The following SCG3 variants were observed in gnomAD, a reference collection of about 807,000 sequenced individuals.
SCG3 encodes the protein secretogranin III, also known as secretogranin-3.
In SCG3, 38 loss-of-function variants were observed where a neutral mutation model predicts 56.2. The observed-to-expected ratio is 0.68, with a 90% CI of 0.52 to 0.89. SCG3 has a LOEUF of 0.89. Among genes scored for constraint, SCG3 ranks in the 40% least tolerant of loss-of-function variants. The probability of loss-of-function intolerance (pLI) is 0.00; values close to 1 mark genes in which losing one functional copy is unlikely to be tolerated. For missense variants in SCG3, 524 were observed against 540.7 expected (o/e 0.97, Z 0.31); for synonymous variants, 176 against 184.2 (o/e 0.96, Z 0.36).
Position 51,716,745 on chromosome 15 carries a change from T to C in SCG3, c.1289-2663T>C, listed in dbSNP as rs28654101. Reference sequence around the variant, plus strand: ...CAATTCTGCAGCCGACACTAGCTGGTTGTCCGCTGATTCAATTCAATTCCA... The same window carrying C: ...CAATTCTGCAGCCGACACTAGCTGGCTGTCCGCTGATTCAATTCAATTCCA... On this transcript the variant is annotated intron_variant, in intron 11 of 11. Transcript: ENST00000220478. Among the ~76,000 whole-genome samples, 49 of 152,264 alleles carry C rather than the reference T, an allele frequency of 3.2e-4. No homozygotes were observed. The South Asian group carries it at 4.8e-3, about 15-fold the overall frequency.
chr15:51,713,987 A>T (rs1218222100), intron 11 of SCG3, among the ~76,000 whole-genome samples: 2 of 152,216 alleles, frequency 1.3e-5, no homozygotes, highest in South Asian at 2.1e-4. Flanking sequence ...ATGGATCTTC[A>T]TACTAGGACA....
intron 10 of SCG3, among the ~76,000 whole-genome samples, chr15:51,705,522 CTT>C (rs766515836): frequency 2.1e-5 from 3 of 142,842 alleles, no homozygotes; most frequent in African/African-American, 2.6e-5. Flanking sequence ...TAGTGTTATT[CTT>C]TTTTTTTTTT....
chr15:51,681,948 C>A (rs2055197512), intron 1 of SCG3, 111 bp downstream of exon 1: 2 of 777,930 alleles, frequency 2.6e-6, no homozygotes, highest in African/African-American at 1.7e-5. Flanking sequence ...CTGATCAAAT[C>A]ATATCCATGA....
At position 51,699,180 on chromosome 15, in the gene SCG3, G is replaced by A; in HGVS notation, c.986-139G>A. 4.6e-6 allele frequency: 3 copies of A among 655,120 alleles called. No homozygotes were observed. The South Asian group carries it at 5.3e-5, about 12-fold the overall frequency. 40.6% of individuals were successfully genotyped at this position (655,120 alleles called of 1,614,324 possible). A position where few individuals can be genotyped will look rare whatever the true frequency, so the allele number is the denominator to read the frequency against. Reference sequence around the variant, plus strand: ...CTATGATTCTTAGAAATAAAATCCAGGTCAAAACATCTTACCAGGAGTGTT... The same window carrying A: ...CTATGATTCTTAGAAATAAAATCCAAGTCAAAACATCTTACCAGGAGTGTT... On this transcript the variant is annotated intron_variant, in intron 8 of 11. Transcript: ENST00000220478.
chr15:51,708,064 A>C (rs1374666639), intron 10 of SCG3: 1 of 152,214 alleles, frequency 6.6e-6, no homozygotes, highest in African/African-American at 2.4e-5. Flanking sequence ...AACAGCCAGA[A>C]AAGCAAGGCT....
At position 51,681,746 on chromosome 15, in the gene SCG3, G is replaced by A. The variant is rs1350744577; in HGVS notation, c.-10G>A. On this transcript the variant is annotated 5_prime_UTR_variant, in exon 1 of 12. Coordinates refer to ENST00000220478, the MANE Select transcript of SCG3 (RefSeq NM_013243.4). ...AGCGCCGGGCTGTGACCCAAGCCGAGCGTGGAAGAATGGGGTTCCTCGGGA... is the reference window on the plus strand; with the variant it reads ...AGCGCCGGGCTGTGACCCAAGCCGAACGTGGAAGAATGGGGTTCCTCGGGA... 8 of 1,612,728 alleles carry A rather than the reference G, an allele frequency of 5.0e-6. No homozygotes were observed. The Admixed American group carries it at 8.3e-5, about 17-fold the overall frequency.
rs1462287171 is a variant in SCG3 at position 51,719,588 on chromosome 15, C to T, written c.*62C>T. 5.1e-6 allele frequency: 6 copies of T among 1,169,716 alleles called. No individual in the cohort carries two copies. The Admixed American group carries it at 1.2e-4, about 24-fold the overall frequency. The allele number at this position is 1,169,716 out of a possible 1,614,324, so 72.5% of individuals were successfully genotyped here. A position where few individuals can be genotyped will look rare whatever the true frequency, so the allele number is the denominator to read the frequency against. ...AGAAAACATAATATAGCTTAAAACA[C>T]TTCTAATTCTGTGATTAAAATTTTT... On this transcript the variant is annotated 3_prime_UTR_variant, in exon 12 of 12. Transcript: ENST00000220478.
chr15:51,700,116 A>G (rs1567219860), intron 9 of SCG3, among the ~76,000 whole-genome samples: 1 of 152,236 alleles, frequency 6.6e-6, no homozygotes, highest in East Asian at 1.9e-4. Context: ...GGCATAGTAT[A>G]CAGCCCTTTA....
At chr15:51,704,238 TAC>T (rs1211175899) in intron 10 of SCG3, among the ~76,000 whole-genome samples, 66 of 66,960 alleles carry the variant, frequency 9.9e-4, no homozygotes, top group African/African-American at 4.0e-3. Flanking sequence ...TATACATACA[TAC>T]ATACATATAT....
At chr15:51,711,239 G>A (rs1436776706) in intron 10 of SCG3, among the ~76,000 whole-genome samples, 3 of 152,166 alleles carry the variant, frequency 2.0e-5, no homozygotes, top group African/African-American at 7.2e-5. Flanking sequence ...GGTAATGTTT[G>A]CCCCACGATG....
chr15:51,695,032 A>G (rs1042279372), intron 7 of SCG3, among the ~76,000 whole-genome samples: 2 of 147,026 alleles, frequency 1.4e-5, no homozygotes, highest in Admixed American at 1.4e-4. Context: ...CTCTATCTCA[A>G]AAAAAAAAAA....
At chr15:51,707,198 C>T (rs80023320) in intron 10 of SCG3, among the ~76,000 whole-genome samples, 14 of 152,138 alleles carry the variant, frequency 9.2e-5, no homozygotes, top group South Asian at 6.2e-4. Context: ...TTTAAGTTTA[C>T]GGCTGGATAA....
chr15:51,684,091 A>T (rs993538570), intron 4 of SCG3, among the ~76,000 whole-genome samples: 1 of 152,182 alleles, frequency 6.6e-6, no homozygotes, highest in Non-Finnish European at 1.5e-5. Flanking sequence ...AGGCACTACT[A>T]TCCATCCAGT....
intron 10 of SCG3, among the ~76,000 whole-genome samples, chr15:51,712,495 T>A (rs2055426791): frequency 6.6e-6 from 1 of 152,224 alleles, no homozygotes. Flanking sequence ...GGTGAGGTCT[T>A]ATCCTGCAGG....
intron 10 of SCG3, among the ~76,000 whole-genome samples, chr15:51,705,283 C>T (rs74473852): frequency 6.6e-6 from 1 of 152,252 alleles, no homozygotes; most frequent in African/African-American, 2.4e-5. Flanking sequence ...CCTTCTATCG[C>T]TGTGCACAGG....
At chr15:51,718,863 C>T (rs1326472397) in intron 11 of SCG3, among the ~76,000 whole-genome samples, 2 of 152,044 alleles carry the variant, frequency 1.3e-5, no homozygotes, top group Non-Finnish European at 2.9e-5. Context: ...AGTGGGTTGT[C>T]ACATCAACAT....
At chr15:51,696,726 G>T (rs918867801) in intron 8 of SCG3, among the ~76,000 whole-genome samples, 6 of 152,076 alleles carry the variant, frequency 3.9e-5, no homozygotes, top group Non-Finnish European at 7.4e-5. Context: ...AAAGGCAAGG[G>T]TGGGGGAGGT....
At position 51,701,186 on chromosome 15, in the gene SCG3, GA is replaced by G; in HGVS notation, c.1151del (p.Lys384ArgfsTer36). Reference sequence around the variant, plus strand: ...AGATGGAAAAGGAATATGGAAGCTTGAAGGATTCCACAAAAGATGATAACTC... The same window carrying G: ...AGATGGAAAAGGAATATGGAAGCTTGAGGATTCCACAAAAGATGATAACTC... ...AKMEKEYGSL[K>X]DSTKDDNSNP... On this transcript the variant is annotated frameshift_variant, in exon 10 of 12. Transcript: ENST00000220478. LOFTEE classifies it high-confidence loss of function. 1 of 1,612,944 alleles carries G rather than the reference GA, an allele frequency of 6.2e-7. No homozygotes were observed. The highest frequency in any genetic ancestry group is 8.5e-7 in the Non-Finnish European group (1 of 1,179,626).
At chr15:51,687,908 T>C (rs1203940283) in intron 4 of SCG3, among the ~76,000 whole-genome samples, 1 of 152,184 alleles carries the variant, frequency 6.6e-6, no homozygotes. Flanking sequence ...GAAGGGTACA[T>C]TGAATAATAT....
Sources: allele counts gnomAD v4.1 joint callset (sites outside exome capture counted in the v4.1 genomes callset), GRCh38; gene constraint gnomAD v4.1.1; transcripts MANE v1.5; gene names NCBI Gene and HGNC (gene_info 2026-07-23, HGNC 2026-07-21).